Variants in CLDN16 observed in about 807,000 individuals in gnomAD.
CLDN16 encodes the protein claudin-16.
In CLDN16, 13 loss-of-function variants were observed where a neutral mutation model predicts 24.6. The ratio of observed to expected loss-of-function variants is 0.53; its 90% CI spans 0.34 to 0.84. The LOEUF (loss-of-function observed/expected upper bound fraction) is 0.84. Among genes scored for constraint, CLDN16 ranks in the 40% least tolerant of loss-of-function variants. The probability of loss-of-function intolerance (pLI) is 0.01; values close to 1 mark genes in which losing one functional copy is unlikely to be tolerated. For synonymous variants in CLDN16, 116 were observed against 106.7 expected, an observed-to-expected ratio of 1.09 and a Z score of -0.54; for missense variants, 298 against 292.7, an observed-to-expected ratio of 1.02 and a Z score of -0.13.
In CLDN16 at chr3:190,410,135, AT is replaced by A; in HGVS notation, c.*100del. The A allele has an allele frequency of 3.0e-6, 4 of 1,339,812 alleles. No homozygotes were observed. The highest frequency in any genetic ancestry group is 4.3e-6 in the Non-Finnish European group (4 of 933,624). 83.0% of individuals were successfully genotyped at this position (1,339,812 alleles called of 1,614,324 possible). Reference sequence around the variant, plus strand: ...ATCCAGGAACAGTTATTTAGAATTCATATTGAATTAAATTAATTGCTAGCTT... The same window carrying A: ...ATCCAGGAACAGTTATTTAGAATTCAATTGAATTAAATTAATTGCTAGCTT... On this transcript the variant is annotated 3_prime_UTR_variant, in exon 5 of 5. Coordinates refer to ENST00000264734, the MANE Select transcript of CLDN16 (RefSeq NM_006580.4).
At chr3:190,336,754 C>T (rs552348050) in intron 1 of CLDN16, among the ~76,000 whole-genome samples, 2 of 152,330 alleles carry the variant, frequency 1.3e-5, no homozygotes, top group South Asian at 4.1e-4. Flanking sequence ...ATGCCATCTG[C>T]AGCAGAGCAT....
chr3:190,295,710 T>C, the CLDN16 span, among the ~76,000 whole-genome samples: 1 of 152,198 alleles, frequency 6.6e-6, no homozygotes, highest in Non-Finnish European at 1.5e-5. Context: ...TTTACAGGCC[T>C]CAATCTAACA....
At chr3:190,385,224 G>T (rs114589977), upstream of CLDN16, among the ~76,000 whole-genome samples, 1,727 of 152,264 alleles carry the variant, frequency 0.011, 31 homozygotes, top group African/African-American at 0.04. Context: ...CCTAGGGAGG[G>T]TCAGAATGCA....
intron 1 of CLDN16, among the ~76,000 whole-genome samples, chr3:190,398,632 T>G (rs1475994328): frequency 6.6e-6 from 1 of 152,194 alleles, no homozygotes; most frequent in Admixed American, 6.5e-5. Flanking sequence ...TTTCTCCACC[T>G]TCACTGTGGT....
At chr3:190,332,615 A>G (rs142390437) in intron 1 of CLDN16, among the ~76,000 whole-genome samples, 171 of 152,340 alleles carry the variant, frequency 1.1e-3, no homozygotes, top group African/African-American at 3.8e-3. Context: ...TCCGACACTT[A>G]AATTTTTCCA....
Position 190,398,293 on chromosome 3 carries a change from G to C in CLDN16, c.115-4044G>C, listed in dbSNP as rs537148919. On this transcript the variant is annotated intron_variant, in intron 1 of 4. Transcript: ENST00000264734. ...TATTCTCTCACAGTTCTGGAGGCTG[G>C]AAGCTTATAATCAAGAAGTTGGCAA... Among the ~76,000 whole-genome samples, 20 of 152,320 alleles carry C rather than the reference G, an allele frequency of 1.3e-4. No homozygotes were observed. The South Asian group carries it at 3.9e-3, about 30-fold the overall frequency.
In CLDN16 at chr3:190,342,134, A is replaced by C. The variant is rs184113190; in HGVS notation, n.121+19473A>C. On this transcript the variant is annotated intron_variant and non_coding_transcript_variant, in intron 1 of 4. Coordinates refer to the CLDN16 transcript ENST00000468220. ...AACTGTTCCAAACTCTGCCTGTTAC[A>C]CAGTTCCAAAGTCGCTTCCACATTT... is the stretch of plus-strand genomic sequence containing the variant. Among the ~76,000 whole-genome samples the C allele has an allele frequency of 2.6e-3, 396 of 152,286 alleles. 3 individuals are homozygous for C. Among genetic ancestry groups the C allele is most frequent in the Non-Finnish European group, 4.4e-3 (296 of 68,038 alleles).
intron 1 of CLDN16, among the ~76,000 whole-genome samples, chr3:190,332,346 T>C (rs1717198392): frequency 6.6e-6 from 1 of 152,178 alleles, no homozygotes; most frequent in Non-Finnish European, 1.5e-5. Context: ...AAATAAGATA[T>C]TAATAGTTTG....
chr3:190,319,976 T>G (rs1365662626), upstream of CLDN16, among the ~76,000 whole-genome samples: 1 of 152,210 alleles, frequency 6.6e-6, no homozygotes, highest in African/African-American at 2.4e-5. Context: ...GAGAAAGGCC[T>G]AAGCCACACC....
the CLDN16 span, among the ~76,000 whole-genome samples, chr3:190,315,853 A>G: frequency 3.4e-4 from 51 of 152,146 alleles, no homozygotes; most frequent in African/African-American, 1.2e-3. Context: ...CTGGGCATCA[A>G]TCTCATGAGT....
At chr3:190,345,376 T>G (rs1042723996) in intron 1 of CLDN16, among the ~76,000 whole-genome samples, 19 of 152,208 alleles carry the variant, frequency 1.2e-4, no homozygotes, top group African/African-American at 4.6e-4. Flanking sequence ...CCTCCCTTAG[T>G]TACACATTCT....
chr3:190,374,025 G>T (rs1427653338), intron 2 of CLDN16, among the ~76,000 whole-genome samples: 1 of 151,658 alleles, frequency 6.6e-6, no homozygotes, highest in Non-Finnish European at 1.5e-5. Flanking sequence ...AGCCCCAAAT[G>T]CTTATATTTT....
intron 1 of CLDN16, among the ~76,000 whole-genome samples, chr3:190,350,975 C>G (rs1717660807): frequency 6.6e-6 from 1 of 152,056 alleles, no homozygotes; most frequent in South Asian, 2.1e-4. Flanking sequence ...AATATGACCC[C>G]TATGTTTGAG....
At chr3:190,316,058 T>C in the CLDN16 span, among the ~76,000 whole-genome samples, 7 of 152,234 alleles carry the variant, frequency 4.6e-5, no homozygotes, top group Non-Finnish European at 1.0e-4. Context: ...CAAAGTGTTC[T>C]TTCCAAGGGG....
chr3:190,390,118 C>A lies in CLDN16; in HGVS notation c.114+1675C>A, dbSNP rs138826744. Among the ~76,000 whole-genome samples, 422 of 152,318 alleles carry A rather than the reference C, an allele frequency of 2.8e-3. 4 individuals are homozygous for A. Among genetic ancestry groups the A allele is most frequent in the African/African-American group, 9.5e-3 (393 of 41,574 alleles). On this transcript the variant is annotated intron_variant, in intron 1 of 4. Coordinates refer to ENST00000264734, the MANE Select transcript of CLDN16 (RefSeq NM_006580.4). ...TTCTAGTTAAAACGAATGGAATGAG[C>A]AGTCCAGGTTACACACCTCAAGTAA...
chr3:190,373,434 C>T (rs934784126), intron 2 of CLDN16, among the ~76,000 whole-genome samples: 1 of 151,984 alleles, frequency 6.6e-6, no homozygotes, highest in East Asian at 1.9e-4. Context: ...TCATTTAGAA[C>T]AAATACATTT....
chr3:190,407,025 C>T (rs1719123487), intron 3 of CLDN16, among the ~76,000 whole-genome samples: 1 of 152,074 alleles, frequency 6.6e-6, no homozygotes, highest in East Asian at 1.9e-4. Context: ...CAGGTGTGAG[C>T]CAATGTGCCC....
At chr3:190,363,971 T>C (rs903874606) in intron 1 of CLDN16, among the ~76,000 whole-genome samples, 7 of 151,966 alleles carry the variant, frequency 4.6e-5, no homozygotes, top group African/African-American at 1.7e-4. Context: ...TTGTATTGCC[T>C]GAAGAATTCT....
chr3:190,365,647 A>C (rs1343951797), intron 1 of CLDN16, among the ~76,000 whole-genome samples: 1 of 150,872 alleles, frequency 6.6e-6, no homozygotes, highest in Admixed American at 6.6e-5. Flanking sequence ...AACGATCTGA[A>C]ATCAAGCAAC....
Sources: allele counts gnomAD v4.1 joint callset (sites outside exome capture counted in the v4.1 genomes callset), GRCh38; gene constraint gnomAD v4.1.1; transcripts MANE v1.5; gene names NCBI Gene and HGNC (gene_info 2026-07-23, HGNC 2026-07-21).